EML6: variants seen among roughly 807,000 people sequenced by gnomAD.
The protein encoded by EML6 is echinoderm microtubule-associated protein-like 6.
EML6 carries 154 observed loss-of-function variants against 240.1 expected under a neutral mutation model. The ratio of observed to expected loss-of-function variants is 0.64; its 90% confidence interval spans 0.56 to 0.73. EML6 has a LOEUF of 0.73. Ranked by LOEUF, EML6 falls within the 30% of genes least tolerant of loss-of-function variation. EML6 has a pLI of 0.00. For synonymous variants in EML6, 1,148 were observed against 899.0 expected, an observed-to-expected ratio of 1.28 and a Z score of -4.95; for missense variants, 2,964 against 2,474.6, an observed-to-expected ratio of 1.20 and a Z score of -4.20.
intron 12 of EML6, among the ~76,000 whole-genome samples, chr2:54,860,353 G>A (rs1296783575): frequency 1.3e-5 from 2 of 152,100 alleles, no homozygotes; most frequent in Non-Finnish European, 2.9e-5. Context: ...GCCTTCCAGG[G>A]ACTTCATCCC....
At chr2:54,853,582 TA>T (rs1573006176) in intron 10 of EML6, 60 bp from the exon 11 acceptor site, 5 of 1,077,018 alleles carry the variant, frequency 4.6e-6, no homozygotes, top group East Asian at 2.8e-5. Flanking sequence ...CAGATCTTTA[TA>T]AAAAATAAAT....
intron 12 of EML6, among the ~76,000 whole-genome samples, chr2:54,863,248 T>A (rs1670777580): frequency 6.6e-6 from 1 of 152,240 alleles, no homozygotes; most frequent in African/African-American, 2.4e-5. Context: ...TTTCACTTTT[T>A]AAAACCTGCC....
intron 17 of EML6, among the ~76,000 whole-genome samples, chr2:54,887,905 A>G (rs1272092698): frequency 1.3e-5 from 2 of 152,176 alleles, no homozygotes; most frequent in Admixed American, 6.5e-5. Flanking sequence ...TCATGAACCT[A>G]CCTTGACATA....
intron 28 of EML6, among the ~76,000 whole-genome samples, chr2:54,943,586 T>A (rs1675537510): frequency 6.6e-6 from 1 of 152,234 alleles, no homozygotes; most frequent in South Asian, 2.1e-4. Flanking sequence ...CCTGCCATTC[T>A]GCTGACATGG....
chr2:54,810,633 C>G (rs1225926011), intron 2 of EML6, among the ~76,000 whole-genome samples: 1 of 152,180 alleles, frequency 6.6e-6, no homozygotes, highest in Non-Finnish European at 1.5e-5. Context: ...TCTTCATTTT[C>G]TAGTCCCTGG....
intron 2 of EML6, among the ~76,000 whole-genome samples, chr2:54,754,666 T>G (rs1684323780): frequency 6.6e-6 from 1 of 152,238 alleles, no homozygotes; most frequent in Non-Finnish European, 1.5e-5. Flanking sequence ...AGACATTCTT[T>G]ATTTAGTGAA....
At chr2:54,780,174 A>G (rs1371405716) in intron 2 of EML6, among the ~76,000 whole-genome samples, 2 of 152,174 alleles carry the variant, frequency 1.3e-5, no homozygotes, top group Admixed American at 6.5e-5. Flanking sequence ...GTTTTTTACT[A>G]TTACAAATAA....
At chr2:54,845,920 G>A (rs1024092603) in intron 8 of EML6, among the ~76,000 whole-genome samples, 1 of 152,182 alleles carries the variant, frequency 6.6e-6, no homozygotes, top group East Asian at 1.9e-4. Context: ...GTTATCAGAA[G>A]ACTATATTTT....
chr2:54,824,255 CAA>C (rs1209106667), intron 5 of EML6, among the ~76,000 whole-genome samples: 2 of 152,100 alleles, frequency 1.3e-5, no homozygotes, highest in Non-Finnish European at 2.9e-5. Context: ...TTATTTGAAA[CAA>C]GAGCTACTTA....
intron 6 of EML6, among the ~76,000 whole-genome samples, chr2:54,828,608 C>G (rs1668711428): frequency 6.6e-6 from 1 of 152,208 alleles, no homozygotes; most frequent in African/African-American, 2.4e-5. Flanking sequence ...GGTGAATTTT[C>G]TTGGCTTCAC....
chr2:54,918,534 A>G (rs1253692596), intron 26 of EML6, among the ~76,000 whole-genome samples: 2 of 152,082 alleles, frequency 1.3e-5, no homozygotes, highest in Non-Finnish European at 2.9e-5. Flanking sequence ...TTTTGTAGAG[A>G]TGGGGTCTCA....
chr2:54,731,156 G>A (rs1683149217), intron 2 of EML6, among the ~76,000 whole-genome samples: 1 of 152,178 alleles, frequency 6.6e-6, no homozygotes, highest in Non-Finnish European at 1.5e-5. Flanking sequence ...GCCAGGGTGG[G>A]AAGAAACTTA....
intron 17 of EML6, chr2:54,882,330 C>A (rs889220632): frequency 6.9e-6 from 1 of 145,396 alleles, no homozygotes; most frequent in East Asian, 2.0e-4. Context: ...ATACAAGTAT[C>A]CCATTTAAGA....
chr2:54,838,784 C>G (rs1381029036), intron 7 of EML6, among the ~76,000 whole-genome samples: 1 of 152,218 alleles, frequency 6.6e-6, no homozygotes, highest in Admixed American at 6.5e-5. Flanking sequence ...CTCCACGTTT[C>G]TCATCACAAG....
intron 7 of EML6, among the ~76,000 whole-genome samples, chr2:54,834,982 A>G (rs1422340382): frequency 6.6e-6 from 1 of 152,174 alleles, no homozygotes; most frequent in Non-Finnish European, 1.5e-5. Flanking sequence ...CCACAGTCAA[A>G]GTCCTTATGG....
At chr2:54,795,728 A>G (rs1669730238) in intron 2 of EML6, among the ~76,000 whole-genome samples, 1 of 152,192 alleles carries the variant, frequency 6.6e-6, no homozygotes, top group Non-Finnish European at 1.5e-5. Context: ...AAACTTTAGT[A>G]TCTAGCCCCT....
At chr2:54,909,076 T>C (rs945310443) in intron 24 of EML6, among the ~76,000 whole-genome samples, 1 of 152,256 alleles carries the variant, frequency 6.6e-6, no homozygotes, top group East Asian at 1.9e-4. Context: ...TTTGAAACTA[T>C]GGTGTAAAGT....
At chr2:54,790,507 A>C (rs915385976) in intron 2 of EML6, among the ~76,000 whole-genome samples, 2 of 152,086 alleles carry the variant, frequency 1.3e-5, no homozygotes, top group Non-Finnish European at 2.9e-5. Context: ...ACCATACTCT[A>C]TTGTCACCAC....
At chr2:54,897,462 G>A (rs751007148) in intron 21 of EML6, among the ~76,000 whole-genome samples, 2 of 152,180 alleles carry the variant, frequency 1.3e-5, no homozygotes, top group Non-Finnish European at 2.9e-5. Flanking sequence ...TATAGATGAG[G>A]GACCTAAAGC....
Sources: allele counts gnomAD v4.1 joint callset (sites outside exome capture counted in the v4.1 genomes callset), GRCh38; gene constraint gnomAD v4.1.1; transcripts MANE v1.5; gene names NCBI Gene and HGNC (gene_info 2026-07-23, HGNC 2026-07-21).